The following SPEF2 variants were observed in gnomAD, a reference collection of about 807,000 sequenced individuals.
The protein encoded by SPEF2 is sperm flagella and cilia-associated protein 2.
A neutral mutation model predicts 224.6 loss-of-function variants in SPEF2; 187 were observed. That is an observed-to-expected ratio of 0.83 (90% confidence interval 0.74 to 0.94). The LOEUF is 0.94. Among genes scored for constraint, SPEF2 ranks in the 40% least tolerant of loss-of-function variants. The pLI is 0.00. For synonymous variants in SPEF2, 715 were observed against 707.3 expected (o/e 1.01, Z -0.17); for missense variants, 2,170 against 2,135.6 (o/e 1.02, Z -0.32).
intron 20 of SPEF2, among the ~76,000 whole-genome samples, chr5:35,715,806 GA>G (rs1451286644): frequency 2.1e-5 from 2 of 97,192 alleles, no homozygotes; most frequent in Non-Finnish European, 4.2e-5. Flanking sequence ...GAAATAGGGG[GA>G]TATAATTTCT....
intron 2 of SPEF2, among the ~76,000 whole-genome samples, chr5:35,629,727 T>G (rs1176066300): frequency 2.0e-5 from 3 of 152,182 alleles, no homozygotes; most frequent in Non-Finnish European, 4.4e-5. Context: ...ATCTGGCACC[T>G]ACTAATCTAC....
intron 36 of SPEF2, chr5:35,807,594 C>A: frequency 6.7e-7 from 1 of 1,499,828 alleles, no homozygotes; most frequent in Non-Finnish European, 9.0e-7. Context: ...AGACCATGAT[C>A]TCCAGCCAAG....
chr5:35,670,206 C>A lies in SPEF2; in HGVS notation c.1503C>A (p.Thr501=). The A allele has an allele frequency of 1.9e-6, 3 of 1,609,186 alleles. No homozygotes were observed. Among genetic ancestry groups the A allele is most frequent in the Non-Finnish European group, 2.5e-6 (3 of 1,177,520 alleles). ...TELEKRDLLD[T]NDYEEYKNMV... ...TGGAGAAAAGGGACTTGCTAGATAC[C>A]AATGATTATGAAGAATATAAGGTAC... The change falls in exon 10 of 37, where the codon ACC becomes ACA. Residue 501 remains threonine, a synonymous_variant. Transcript: ENST00000356031.
intron 19 of SPEF2, 116 bp from the exon 20 acceptor site, chr5:35,712,696 C>G (rs1741408486): frequency 5.3e-6 from 5 of 946,786 alleles, no homozygotes; most frequent in Admixed American, 2.5e-5. Flanking sequence ...CCATTTTATG[C>G]AGTTCACAAA....
intron 36 of SPEF2, among the ~76,000 whole-genome samples, chr5:35,813,126 C>T (rs2149882106): frequency 6.6e-6 from 1 of 152,272 alleles, no homozygotes; most frequent in Admixed American, 6.5e-5. Context: ...CCTTAATCCT[C>T]AAATTAACTT....
At chr5:35,692,506 T>C in intron 11 of SPEF2, 64 bp from the exon 12 acceptor site, 5 of 1,345,472 alleles carry the variant, frequency 3.7e-6, no homozygotes, top group Non-Finnish European at 5.2e-6. Context: ...AACCAGCACA[T>C]AAAGACAACA....
rs572902799 is a variant in SPEF2, at chr5:35,763,657, G to A, written c.3756G>A (p.Leu1252=). Residue 1252 remains leucine (L), a synonymous_variant, in exon 26 of 37, where the codon TTG becomes TTA. Coordinates refer to ENST00000356031, the MANE Select transcript of SPEF2 (RefSeq NM_024867.4). ...CCAACTTTGAGGCCGATGAAAAGTT[G>A]GTCATGGACACCTGGCAGCAGGCTT... The part of the protein sequence containing the change: ...VESNFEADEK[L]VMDTWQQASL... 51 of 1,613,552 alleles carry A rather than the reference G, an allele frequency of 3.2e-5. No individual in the cohort carries two copies. The South Asian group carries it at 5.1e-4, about 16-fold the overall frequency.
chr5:35,727,027 T>G (rs1247692620), intron 20 of SPEF2, among the ~76,000 whole-genome samples: 1 of 145,688 alleles, frequency 6.9e-6, no homozygotes, highest in Non-Finnish European at 1.5e-5. Context: ...TTGCTTCCCT[T>G]TCTTTTCCTT....
At chr5:35,777,664 C>CAAATAAATAAATAAATAAATAAAT (rs35899152) in intron 29 of SPEF2, among the ~76,000 whole-genome samples, 11 of 143,984 alleles carry the variant, frequency 7.6e-5, no homozygotes, top group Admixed American at 2.1e-4. Flanking sequence ...AAATGTGATA[C>CAAATAAATAAATAAATAAATAAAT]AAATAAATAA....
chr5:35,658,302 G>C (rs942074320), intron 7 of SPEF2, among the ~76,000 whole-genome samples: 7 of 152,104 alleles, frequency 4.6e-5, no homozygotes, highest in African/African-American at 1.7e-4. Context: ...AAACAGCCAA[G>C]AATACATCTA....
chr5:35,671,158 T>C (rs1375935583), intron 10 of SPEF2: 1 of 985,384 alleles, frequency 1.0e-6, no homozygotes, highest in East Asian at 1.1e-4. Flanking sequence ...AAAGATTATT[T>C]GACCTAATTA....
At chr5:35,676,289 G>GCTTTCTACT (rs1285915349) in intron 10 of SPEF2, among the ~76,000 whole-genome samples, 1 of 149,846 alleles carries the variant, frequency 6.7e-6, no homozygotes, top group African/African-American at 2.5e-5. Flanking sequence ...GCTTTTCTGG[G>GCTTTCTACT]CTTTCTACTA....
chr5:35,813,479 G>A (rs576182396), intron 36 of SPEF2, among the ~76,000 whole-genome samples: 2 of 152,198 alleles, frequency 1.3e-5, no homozygotes, highest in African/African-American at 4.8e-5. Context: ...GTGACAGAGC[G>A]AAACTCTATT....
chr5:35,648,660 C>T (rs1272332327), intron 5 of SPEF2, among the ~76,000 whole-genome samples: 1 of 151,942 alleles, frequency 6.6e-6, no homozygotes, highest in Non-Finnish European at 1.5e-5. Flanking sequence ...TTGTAAAACA[C>T]AAAGATGACC....
intron 1 of SPEF2, among the ~76,000 whole-genome samples, 161 bp from the exon 2 acceptor site, chr5:35,628,299 C>A (rs572009856): frequency 3.9e-5 from 6 of 152,006 alleles, no homozygotes; most frequent in Non-Finnish European, 8.8e-5. Context: ...AAATGTCAAC[C>A]TTTTCCTTTG....
At chr5:35,788,379 T>C (rs564956660) in intron 30 of SPEF2, 1 of 702,986 alleles carries the variant, frequency 1.4e-6, no homozygotes, top group East Asian at 2.7e-5. Flanking sequence ...TCAGCAAGAA[T>C]GTTTACATAC....
intron 5 of SPEF2, among the ~76,000 whole-genome samples, chr5:35,647,264 G>C (rs985807642): frequency 2.6e-5 from 4 of 151,944 alleles, no homozygotes; most frequent in Non-Finnish European, 4.4e-5. Context: ...TAAGGAGAAG[G>C]GGGAGGGGAA....
At chr5:35,774,622 G>T (rs1350515751) in intron 28 of SPEF2, among the ~76,000 whole-genome samples, 3 of 152,036 alleles carry the variant, frequency 2.0e-5, no homozygotes, top group Admixed American at 2.0e-4. Flanking sequence ...AATTCTAAAT[G>T]AAATCTGAAA....
Position 35,649,464 on chromosome 5 carries a change from T to C in SPEF2, c.791+39T>C, listed in dbSNP as rs1747883791. 5 of 1,488,220 alleles carry C rather than the reference T, an allele frequency of 3.4e-6. No individual in the cohort carries two copies. In the Admixed American group the frequency reaches 5.2e-5, roughly 15 times the overall value. The allele number at this position is 1,488,220 out of a possible 1,614,324, so 92.2% of individuals were successfully genotyped here. ...TATTTTAAGAATTACAAAACCGCAT[T>C]CTGTTCTACACATAGCTTTTGAATA... is the stretch of plus-strand genomic sequence containing the variant. On this transcript the variant is annotated intron_variant, in intron 6 of 36. Coordinates refer to ENST00000356031, the MANE Select transcript of SPEF2 (RefSeq NM_024867.4).
Sources: allele counts gnomAD v4.1 joint callset (sites outside exome capture counted in the v4.1 genomes callset), GRCh38; gene constraint gnomAD v4.1.1; transcripts MANE v1.5; gene names NCBI Gene and HGNC (gene_info 2026-07-23, HGNC 2026-07-21).